The following ZNF385D variants were observed in gnomAD, a reference collection of about 807,000 sequenced individuals.
ZNF385D encodes the protein zinc finger protein 385D, also known as zinc finger protein 659.
In ZNF385D, 15 loss-of-function variants were observed where a neutral mutation model predicts 35.8. The ratio of observed to expected loss-of-function variants is 0.42; its 90% CI spans 0.28 to 0.64. The LOEUF (loss-of-function observed/expected upper bound fraction) is 0.64. Ranked by LOEUF, ZNF385D falls within the 30% of genes least tolerant of loss-of-function variation. ZNF385D has a pLI of 0.23. For synonymous variants in ZNF385D, 212 were observed against 186.8 expected, an observed-to-expected ratio of 1.13 and a Z score of -1.10; for missense variants, 474 against 494.6, an observed-to-expected ratio of 0.96 and a Z score of 0.39.
intron 3 of ZNF385D, among the ~76,000 whole-genome samples, chr3:22,104,585 CATT>C (rs1472928019): frequency 6.6e-6 from 1 of 151,944 alleles, no homozygotes; most frequent in Admixed American, 6.6e-5. Flanking sequence ...TTCAATTCTT[CATT>C]TTTTAGAATC....
intron 6 of ZNF385D, among the ~76,000 whole-genome samples, 186 bp from the exon 7 acceptor site, chr3:21,424,250 C>T (rs1159949437): frequency 2.0e-5 from 2 of 102,522 alleles, no homozygotes; most frequent in Non-Finnish European, 4.1e-5. Flanking sequence ...TTATGCTATC[C>T]ATATATATAT....
In ZNF385D at chr3:21,437,170, G is replaced by C. The variant is rs372397696; in HGVS notation, c.473C>G (p.Thr158Arg). The C allele has an allele frequency of 6.2e-7, 1 of 1,613,674 alleles. No individual in the cohort carries two copies. Among genetic ancestry groups the C allele is most frequent in the South Asian group, 1.1e-5 (1 of 91,056 alleles). ...GTAGTPAIST[T>R]TTVEIRKSSV... ...GCTTTTGCGGATTTCCACAGTTGTC[G>C]TCGTTGATATTGCTGGTGTCCCTGC... The change falls in exon 5 of 8, where the codon ACG becomes AGG. Residue 158 changes from threonine (T) to arginine (R), a missense_variant. Coordinates refer to ENST00000281523, the MANE Select transcript of ZNF385D (RefSeq NM_024697.3).
At chr3:21,914,972 A>G (rs1700126787) in intron 3 of ZNF385D, among the ~76,000 whole-genome samples, 1 of 151,968 alleles carries the variant, frequency 6.6e-6, no homozygotes, top group Non-Finnish European at 1.5e-5. Flanking sequence ...TACCACAAGC[A>G]CGAGGAAAAG....
intron 2 of ZNF385D, among the ~76,000 whole-genome samples, chr3:22,367,536 G>A (rs1696710447): frequency 6.6e-6 from 1 of 152,052 alleles, no homozygotes; most frequent in Non-Finnish European, 1.5e-5. Context: ...GATGGCTTTA[G>A]GAAACTGAGA....
chr3:21,871,753 C>A (rs1026949197), intron 3 of ZNF385D, among the ~76,000 whole-genome samples: 44 of 152,202 alleles, frequency 2.9e-4, no homozygotes, highest in African/African-American at 1.1e-3. Flanking sequence ...CACCTTTAAT[C>A]CCAGCACTTT....
intron 3 of ZNF385D, among the ~76,000 whole-genome samples, chr3:21,546,842 C>G (rs1304582175): frequency 6.6e-6 from 1 of 151,852 alleles, no homozygotes; most frequent in Non-Finnish European, 1.5e-5. Flanking sequence ...TCTAGCCCCC[C>G]CCGCTTCATG....
chr3:21,939,424 T>C (rs1701412029), intron 3 of ZNF385D, among the ~76,000 whole-genome samples: 1 of 152,110 alleles, frequency 6.6e-6, no homozygotes, highest in South Asian at 2.1e-4. Context: ...TGTACAACTT[T>C]TTACCATAGA....
chr3:21,555,990 G>C (rs1350979239), intron 3 of ZNF385D, among the ~76,000 whole-genome samples: 1 of 148,434 alleles, frequency 6.7e-6, no homozygotes, highest in East Asian at 2.0e-4. Context: ...TTCCATGTTT[G>C]TTGGCTGCAT....
intron 3 of ZNF385D, among the ~76,000 whole-genome samples, chr3:21,789,527 C>T (rs145230866): frequency 6.6e-6 from 1 of 152,238 alleles, no homozygotes; most frequent in South Asian, 2.1e-4. Flanking sequence ...CACACATATA[C>T]ACATGTGTAA....
At chr3:22,332,990 G>T (rs7615401) in intron 2 of ZNF385D, among the ~76,000 whole-genome samples, 25,226 of 151,644 alleles carry the variant, frequency 0.17, 3,634 homozygotes, top group African/African-American at 0.39. Flanking sequence ...TTTCAGAGAA[G>T]GCCTGCTGGA....
intron 3 of ZNF385D, among the ~76,000 whole-genome samples, chr3:22,003,762 G>C (rs556131427): frequency 6.6e-6 from 1 of 151,948 alleles, no homozygotes; most frequent in East Asian, 1.9e-4. Flanking sequence ...AGCTACTCAG[G>C]TGGCTGAGGC....
At chr3:22,345,169 T>G (rs989979445) in intron 2 of ZNF385D, among the ~76,000 whole-genome samples, 2 of 152,186 alleles carry the variant, frequency 1.3e-5, no homozygotes, top group African/African-American at 2.4e-5. Context: ...ACTAATAATT[T>G]TAATATTATT....
At chr3:21,820,008 C>A (rs2073334650) in intron 3 of ZNF385D, among the ~76,000 whole-genome samples, 1 of 150,604 alleles carries the variant, frequency 6.6e-6, no homozygotes, top group Admixed American at 6.6e-5. Flanking sequence ...TCATAATACA[C>A]ACAAAGCATT....
intron 2 of ZNF385D, among the ~76,000 whole-genome samples, chr3:22,199,295 G>A: frequency 6.6e-6 from 1 of 152,050 alleles, no homozygotes; most frequent in East Asian, 1.9e-4. Context: ...AGAGAAACAT[G>A]TGGAAGGAAA....
At chr3:22,058,851 G>A (rs895078855) in intron 3 of ZNF385D, among the ~76,000 whole-genome samples, 26 of 152,156 alleles carry the variant, frequency 1.7e-4, no homozygotes, top group Non-Finnish European at 1.0e-4. Flanking sequence ...AGAAATGGCT[G>A]GTGGTTAGTG....
chr3:22,189,575 A>G (rs1695879120), intron 2 of ZNF385D, among the ~76,000 whole-genome samples: 1 of 152,182 alleles, frequency 6.6e-6, no homozygotes, highest in Non-Finnish European at 1.5e-5. Context: ...GTTCAATATT[A>G]TTGAGCAAAT....
chr3:21,828,241 A>C (rs1197847090), intron 3 of ZNF385D, among the ~76,000 whole-genome samples: 3 of 152,310 alleles, frequency 2.0e-5, no homozygotes, highest in Non-Finnish European at 1.5e-5. Flanking sequence ...CGTGTTGAGA[A>C]GTTCGTGGTC....
chr3:22,060,793 G>A (rs1393905043), intron 3 of ZNF385D, among the ~76,000 whole-genome samples: 3 of 152,030 alleles, frequency 2.0e-5, no homozygotes, highest in South Asian at 4.1e-4. Flanking sequence ...ATCCACGCAA[G>A]GGTTTCTGAA....
At chr3:21,806,694 T>A (rs1408396276) in intron 3 of ZNF385D, among the ~76,000 whole-genome samples, 1 of 152,138 alleles carries the variant, frequency 6.6e-6, no homozygotes, top group East Asian at 1.9e-4. Flanking sequence ...TAAAATTTAG[T>A]TTTCAAATAA....
Sources: gnomAD v4.1 joint callset for allele counts (sites outside exome capture counted in the v4.1 genomes callset) on GRCh38, gnomAD v4.1.1 for gene constraint, MANE v1.5 for transcripts, NCBI Gene and HGNC (gene_info 2026-07-23, HGNC 2026-07-21) for gene names.